Variants in ADAMTSL3 observed in about 807,000 individuals in gnomAD.
ADAMTSL3 encodes ADAMTS like 3.
Under a neutral mutation model 201.7 loss-of-function variants are expected in ADAMTSL3, and 128 were observed. The ratio of observed to expected loss-of-function variants is 0.63; its 90% CI spans 0.55 to 0.73. The LOEUF is 0.73. ADAMTSL3 is among the 30% of genes least tolerant of loss of function. The probability of loss-of-function intolerance (pLI) is 0.00; values close to 1 mark genes in which losing one functional copy is unlikely to be tolerated. For missense variants in ADAMTSL3, 1,990 were observed against 2,119.6 expected, an observed-to-expected ratio of 0.94 and a Z score of 1.20; for synonymous variants, 738 against 748.4, an observed-to-expected ratio of 0.99 and a Z score of 0.23.
Position 83,769,584 on chromosome 15 carries a change from C to T in ADAMTSL3, c.190-3939C>T, listed in dbSNP as rs145219952. ...ACCAGATATTTATCCTTTCCTTTCA[C>T]TTGACTGTTACTGAAATATTGCCTC... On this transcript the variant is annotated intron_variant, in intron 3 of 29. Coordinates refer to ENST00000286744, the MANE Select transcript of ADAMTSL3 (RefSeq NM_207517.3). Among the ~76,000 whole-genome samples the T allele has an allele frequency of 3.9e-5, 6 of 152,266 alleles. No homozygotes were observed. In the East Asian group the frequency reaches 9.7e-4, roughly 25 times the overall value.
At chr15:83,676,185 T>C (rs1418126171) in intron 2 of ADAMTSL3, among the ~76,000 whole-genome samples, 2 of 152,190 alleles carry the variant, frequency 1.3e-5, no homozygotes, top group African/African-American at 4.8e-5. Flanking sequence ...GATTAGATTA[T>C]TGATTTGAGA....
At chr15:83,784,959 A>G (rs1040968723) in intron 4 of ADAMTSL3, among the ~76,000 whole-genome samples, 1 of 152,024 alleles carries the variant, frequency 6.6e-6, no homozygotes, top group Non-Finnish European at 1.5e-5. Flanking sequence ...CTCATTGTCT[A>G]TCTTAATTGT....
At chr15:83,737,153 A>G (rs2141622937) in intron 3 of ADAMTSL3, among the ~76,000 whole-genome samples, 1 of 152,358 alleles carries the variant, frequency 6.6e-6, no homozygotes, top group East Asian at 1.9e-4. Context: ...GCATGGAAAT[A>G]GGTATAGGTC....
chr15:84,039,670 A>G lies in ADAMTSL3; in HGVS notation c.*1864A>G, dbSNP rs2141956556. On this transcript the variant is annotated 3_prime_UTR_variant, in exon 30 of 30. Coordinates refer to ENST00000286744, the MANE Select transcript of ADAMTSL3 (RefSeq NM_207517.3). ...TGCTTCACTTTGTATTTAAAGTTAA[A>G]AGTTACTATTTTTCATTTGCTATTG... 6.5e-6 allele frequency: 1 copy of G among 152,746 alleles called. No individual in the cohort carries two copies. The highest frequency in any genetic ancestry group is 6.5e-5 in the Admixed American group (1 of 15,300). 9.5% of individuals were successfully genotyped at this position (152,746 alleles called of 1,614,324 possible).
intron 17 of ADAMTSL3, 66 bp downstream of exon 17, chr15:83,924,099 A>G: frequency 6.3e-7 from 1 of 1,577,972 alleles, no homozygotes; most frequent in South Asian, 1.2e-5. Context: ...CTGCAGAGAA[A>G]CCCACCTAAG....
chr15:83,676,638 G>A (rs1371266635), intron 2 of ADAMTSL3, among the ~76,000 whole-genome samples: 2 of 152,122 alleles, frequency 1.3e-5, no homozygotes, highest in Non-Finnish European at 2.9e-5. Flanking sequence ...AGATTGCACC[G>A]CTGCACTCCA....
intron 9 of ADAMTSL3, among the ~76,000 whole-genome samples, chr15:83,872,228 A>G (rs1451828025): frequency 1.3e-5 from 2 of 151,874 alleles, no homozygotes; most frequent in African/African-American, 4.8e-5. Flanking sequence ...CTTGCATTTT[A>G]CAATAGCAAT....
At chr15:83,938,554 G>A (rs532395670) in intron 17 of ADAMTSL3, among the ~76,000 whole-genome samples, 39 of 152,238 alleles carry the variant, frequency 2.6e-4, no homozygotes, top group African/African-American at 7.9e-4. Context: ...ATTTCACAGC[G>A]AAGACATTTA....
intron 5 of ADAMTSL3, among the ~76,000 whole-genome samples, chr15:83,809,491 A>G (rs1342368358): frequency 1.3e-5 from 2 of 152,230 alleles, no homozygotes; most frequent in African/African-American, 2.4e-5. Flanking sequence ...ACTCCCTTGC[A>G]GTCCCTGCCT....
intron 8 of ADAMTSL3, 67 bp from the exon 9 acceptor site, chr15:83,870,734 TA>T: frequency 7.4e-7 from 1 of 1,348,762 alleles, no homozygotes; most frequent in Non-Finnish European, 1.0e-6. Context: ...TTGTATTTGC[TA>T]AAATGTCTTT....
intron 3 of ADAMTSL3, among the ~76,000 whole-genome samples, chr15:83,766,043 A>G (rs2062883888): frequency 6.6e-6 from 1 of 151,866 alleles, no homozygotes; most frequent in Non-Finnish European, 1.5e-5. Flanking sequence ...AACCTATCAT[A>G]CGGAAGAAGG....
At position 83,654,535 on chromosome 15, in the gene ADAMTSL3, C is replaced by G. The variant is rs962709836; in HGVS notation, c.-34+259C>G. On this transcript the variant is annotated intron_variant, in intron 1 of 29. Transcript: ENST00000286744. This position sits in a 1 kb window ranked among gnomAD's most constrained non-coding sequence, Gnocchi z 5.3. ...CGGCGGCAGTTCGCGGGCTGAGGGG[C>G]GTTCTTGATTATGGGGGAACTCCAC... Among the ~76,000 whole-genome samples the G allele has an allele frequency of 6.6e-6, 1 of 151,984 alleles. No individual in the cohort carries two copies. The highest frequency in any genetic ancestry group is 2.4e-5 in the African/African-American group (1 of 41,378).
intron 8 of ADAMTSL3, among the ~76,000 whole-genome samples, chr15:83,860,626 T>G (rs556062804): frequency 3.0e-4 from 46 of 152,324 alleles, no homozygotes; most frequent in African/African-American, 9.9e-4. Flanking sequence ...AAAACTAGTT[T>G]TATAAATTGT....
At chr15:83,975,721 A>G (rs980509056) in intron 20 of ADAMTSL3, among the ~76,000 whole-genome samples, 5 of 152,044 alleles carry the variant, frequency 3.3e-5, no homozygotes, top group Non-Finnish European at 2.9e-5. Flanking sequence ...GAGGAAGGAG[A>G]GCAGTGTGGA....
At chr15:83,684,008 C>G (rs2061507868) in intron 2 of ADAMTSL3, among the ~76,000 whole-genome samples, 1 of 152,112 alleles carries the variant, frequency 6.6e-6, no homozygotes, top group Non-Finnish European at 1.5e-5. Context: ...TACATATGTC[C>G]CCGGCTAAAA....
chr15:83,691,290 C>T (rs1425028891), intron 2 of ADAMTSL3, among the ~76,000 whole-genome samples: 1 of 152,182 alleles, frequency 6.6e-6, no homozygotes, highest in South Asian at 2.1e-4. Flanking sequence ...CCTTCATCCT[C>T]CTGCCTGGCT....
At chr15:83,739,046 A>T (rs2062412721) in intron 3 of ADAMTSL3, among the ~76,000 whole-genome samples, 1 of 151,884 alleles carries the variant, frequency 6.6e-6, no homozygotes, top group Non-Finnish European at 1.5e-5. Flanking sequence ...TGGTCAAAGG[A>T]AAACAAAATA....
At chr15:84,006,259 A>G (rs945791891) in intron 23 of ADAMTSL3, among the ~76,000 whole-genome samples, 1 of 152,208 alleles carries the variant, frequency 6.6e-6, no homozygotes, top group African/African-American at 2.4e-5. Context: ...TTTCTTCATG[A>G]TTCCCCAGAG....
chr15:83,655,512 G>C (rs1449574937), intron 1 of ADAMTSL3, among the ~76,000 whole-genome samples: 1 of 152,208 alleles, frequency 6.6e-6, no homozygotes, highest in Non-Finnish European at 1.5e-5. Flanking sequence ...GCCCACTGGA[G>C]ACAGGTCCAG....
Sources: allele counts gnomAD v4.1 joint callset (sites outside exome capture counted in the v4.1 genomes callset), GRCh38; gene constraint gnomAD v4.1.1; non-coding constraint Gnocchi (gnomAD v3.1); transcripts MANE v1.5; gene names NCBI Gene and HGNC (gene_info 2026-07-23, HGNC 2026-07-21).